The following RUFY1 variants were observed in gnomAD, a reference collection of about 807,000 sequenced individuals.
RUFY1 encodes RUN and FYVE domain containing 1, also known as RUN and FYVE domain-containing protein 1.
Under a neutral mutation model 94.6 loss-of-function variants are expected in RUFY1, and 54 were observed. The ratio of observed to expected loss-of-function variants is 0.57; its 90% CI spans 0.46 to 0.72. The LOEUF (loss-of-function observed/expected upper bound fraction) is 0.72. Among genes scored for constraint, RUFY1 ranks in the 30% least tolerant of loss-of-function variants. The probability of loss-of-function intolerance (pLI) is 0.00; values close to 1 mark genes in which losing one functional copy is unlikely to be tolerated. For synonymous variants in RUFY1, 396 were observed against 347.3 expected (o/e 1.14, Z -1.56); for missense variants, 883 against 883.9 (o/e 1.00, Z 0.01).
chr5:179,577,859 C>CAA (rs35539667), intron 6 of RUFY1, among the ~76,000 whole-genome samples: 3,755 of 133,982 alleles, frequency 0.028, 139 homozygotes, highest in African/African-American at 0.068. Context: ...TTCTCTGCAG[C>CAA]AAAAAAAAAA....
intron 9 of RUFY1, among the ~76,000 whole-genome samples, chr5:179,590,512 T>C (rs1402726182): frequency 6.6e-6 from 1 of 151,412 alleles, no homozygotes; most frequent in Non-Finnish European, 1.5e-5. Context: ...CTAGACAGAG[T>C]CTCCCTCTGT....
intron 3 of RUFY1, among the ~76,000 whole-genome samples, chr5:179,565,175 T>C (rs1762749403): frequency 7.4e-6 from 1 of 135,038 alleles, no homozygotes. Context: ...TTTTTTTTTT[T>C]TTTTTTTTTT....
At chr5:179,556,775 C>CA (rs1203220110) in intron 1 of RUFY1, among the ~76,000 whole-genome samples, 1 of 152,216 alleles carries the variant, frequency 6.6e-6, no homozygotes, top group Non-Finnish European at 1.5e-5. Context: ...GCTGGGATTA[C>CA]AGGCGTGAGC....
At chr5:179,552,121 C>A (rs1761887268) in intron 1 of RUFY1, among the ~76,000 whole-genome samples, 1 of 135,714 alleles carries the variant, frequency 7.4e-6, no homozygotes, top group Non-Finnish European at 1.5e-5. Context: ...GCCGAGATCG[C>A]GCCACTGCAC....
At chr5:179,591,476 G>A (rs182080938) in intron 9 of RUFY1, 149 bp from the exon 10 acceptor site, 231 of 591,512 alleles carry the variant, frequency 3.9e-4, no homozygotes, top group Non-Finnish European at 5.4e-4. Context: ...GAGCCAATGC[G>A]CCCAGCCAAG....
At chr5:179,552,568 CCTTTTCCCGAGA>C (rs1347444730) in intron 1 of RUFY1, among the ~76,000 whole-genome samples, 1 of 152,182 alleles carries the variant, frequency 6.6e-6, no homozygotes, top group African/African-American at 2.4e-5. Context: ...TAGCTTGACA[CCTTTTCCCGAGA>C]CTTTTCCACA....
At chr5:179,569,814 G>A (rs1260890269) in intron 5 of RUFY1, among the ~76,000 whole-genome samples, 8 of 152,050 alleles carry the variant, frequency 5.3e-5, no homozygotes, top group Non-Finnish European at 1.0e-4. Flanking sequence ...GCGCGATCTC[G>A]GCTCCCTGCA....
At chr5:179,584,819 G>T (rs924185954) in intron 7 of RUFY1, among the ~76,000 whole-genome samples, 1 of 151,960 alleles carries the variant, frequency 6.6e-6, no homozygotes, top group Admixed American at 6.6e-5. Flanking sequence ...TTTTTTAAAT[G>T]GGGAAGGTGT....
At chr5:179,584,333 T>G (rs1764428451) in intron 7 of RUFY1, among the ~76,000 whole-genome samples, 1 of 152,208 alleles carries the variant, frequency 6.6e-6, no homozygotes, top group Non-Finnish European at 1.5e-5. Flanking sequence ...AGAGCCAGAT[T>G]CCCTGGGTTC....
Position 179,562,136 on chromosome 5 carries a change from G to A in RUFY1, c.485-411G>A, listed in dbSNP as rs554107435. Among the ~76,000 whole-genome samples, 3 of 152,030 alleles carry A rather than the reference G, an allele frequency of 2.0e-5. 1 individual carries two copies. In the South Asian group the frequency reaches 6.3e-4, roughly 32 times the overall value. ...TAAATCAAGAAGGATTAAGCAGGCC[G>A]GGCGCTGTGGCTCACGCCTGTTATC... is the stretch of plus-strand genomic sequence containing the variant. On this transcript the variant is annotated intron_variant, in intron 2 of 17. Coordinates refer to ENST00000319449, the MANE Select transcript of RUFY1 (RefSeq NM_025158.5).
chr5:179,588,279 C>G (rs1764769719), intron 8 of RUFY1, among the ~76,000 whole-genome samples: 1 of 152,116 alleles, frequency 6.6e-6, no homozygotes, highest in Non-Finnish European at 1.5e-5. Context: ...TTCGAGGTCC[C>G]TCCACTAGTG....
At chr5:179,604,627 AT>A (rs1283188542) in intron 15 of RUFY1, among the ~76,000 whole-genome samples, 1 of 152,152 alleles carries the variant, frequency 6.6e-6, no homozygotes, top group Non-Finnish European at 1.5e-5. Context: ...GAGACCTGCC[AT>A]TTTGTCACTG....
chr5:179,574,992 T>C (rs1409309119), intron 5 of RUFY1, among the ~76,000 whole-genome samples: 2 of 151,842 alleles, frequency 1.3e-5, no homozygotes, highest in Non-Finnish European at 1.5e-5. Context: ...TACCAAAGTA[T>C]ATAATGTGAA....
chr5:179,553,603 G>A (rs1171031643), intron 1 of RUFY1, among the ~76,000 whole-genome samples: 5 of 151,714 alleles, frequency 3.3e-5, no homozygotes, highest in Non-Finnish European at 4.4e-5. Flanking sequence ...GGCCAACATG[G>A]TGAAACCCTA....
chr5:179,582,924 T>G (rs191504087), intron 7 of RUFY1, among the ~76,000 whole-genome samples: 15 of 152,198 alleles, frequency 9.9e-5, no homozygotes, highest in South Asian at 4.1e-4. Flanking sequence ...ATCAGGGTTA[T>G]GTAGCATTGC....
intron 3 of RUFY1, among the ~76,000 whole-genome samples, chr5:179,565,528 T>A (rs1423353315): frequency 2.6e-5 from 4 of 152,172 alleles, no homozygotes; most frequent in Non-Finnish European, 4.4e-5. Context: ...TCAAAAAAAA[T>A]TCAGCATTAA....
At chr5:179,565,761 C>A (rs1335712806) in intron 3 of RUFY1, among the ~76,000 whole-genome samples, 1 of 152,166 alleles carries the variant, frequency 6.6e-6, no homozygotes, top group African/African-American at 2.4e-5. Flanking sequence ...AAACATACTT[C>A]TTTGTGTCCG....
At chr5:179,601,741 C>G in intron 14 of RUFY1, 151 bp from the exon 15 acceptor site, 1 of 578,738 alleles carries the variant, frequency 1.7e-6, no homozygotes, top group South Asian at 1.9e-5. Flanking sequence ...ATCGCTTGAA[C>G]CCAGGAGGCG....
At chr5:179,606,351 CAG>C (rs1204527667) in intron 16 of RUFY1, 29 of 187,974 alleles carry the variant, frequency 1.5e-4, no homozygotes, top group Non-Finnish European at 4.3e-5. Context: ...TGAGTTGGGC[CAG>C]GTTTCCGCAC....
Sources: allele counts gnomAD v4.1 joint callset (sites outside exome capture counted in the v4.1 genomes callset), GRCh38; gene constraint gnomAD v4.1.1; transcripts MANE v1.5; gene names NCBI Gene and HGNC (gene_info 2026-07-23, HGNC 2026-07-21).